PKD1L1: variants seen among roughly 807,000 people sequenced by gnomAD.
PKD1L1 encodes the protein polycystin 1 like 1, transient receptor potential channel interacting.
PKD1L1 carries 236 observed loss-of-function variants against 323.4 expected under a neutral mutation model. That is an observed-to-expected ratio of 0.73 (90% confidence interval 0.66 to 0.81). The LOEUF (loss-of-function observed/expected upper bound fraction) is 0.81, where lower values mean the gene tolerates loss of function less well. PKD1L1 is among the 40% of genes least tolerant of loss of function. PKD1L1 has a pLI of 0.00. For synonymous variants in PKD1L1, 1,344 were observed against 1,335.0 expected, an observed-to-expected ratio of 1.01 and a Z score of -0.15; for missense variants, 3,320 against 3,508.0, an observed-to-expected ratio of 0.95 and a Z score of 1.35.
chr7:47,839,316 T>G lies in PKD1L1; in HGVS notation c.5769+130A>C. ...ATTTAATATTTTGATATCGTGGTAA[T>G]TAACTAAGAAAAGAGGAATACACTT... On this transcript the variant is annotated intron_variant, in intron 36 of 56. Transcript: ENST00000289672. The surrounding 1 kb of genome is among the most constrained non-coding windows in gnomAD (Gnocchi z 4.3). 1.5e-6 allele frequency: 1 copy of G among 677,912 alleles called. No individual in the cohort carries two copies. Among genetic ancestry groups the G allele is most frequent in the Non-Finnish European group, 2.4e-6 (1 of 410,320 alleles). The allele number at this position is 677,912 out of a possible 1,614,324, so 42.0% of individuals were successfully genotyped here. A position where few individuals can be genotyped will look rare whatever the true frequency, so the allele number is the denominator to read the frequency against.
chr7:47,923,675 AAAAT>A (rs1228390141), intron 7 of PKD1L1, among the ~76,000 whole-genome samples: 6 of 151,646 alleles, frequency 4.0e-5, no homozygotes, highest in South Asian at 4.1e-4. Flanking sequence ...ATAAATAATA[AAAAT>A]AAATAAATAA....
chr7:47,833,240 C>T lies in PKD1L1; in HGVS notation c.6187G>A (p.Ala2063Thr). 4 of 1,612,804 alleles carry T rather than the reference C, an allele frequency of 2.5e-6. No homozygotes were observed. The highest frequency in any genetic ancestry group is 3.4e-6 in the Non-Finnish European group (4 of 1,179,366). The part of the protein sequence containing the change: ...AQEPRKQPAS[A>T]ILSGSGRAQR... The stretch of plus-strand genomic sequence containing the variant: ...GCCCTGCCACTCCCAGAGAGAATGG[C>T]TGATGCAGGTTGCTAGAATGACAAG... The change falls in exon 41 of 57, where the codon GCC becomes ACC. Residue 2063 changes from alanine (A) to threonine (T), a missense_variant. Coordinates refer to ENST00000289672, the MANE Select transcript of PKD1L1 (RefSeq NM_138295.5).
chr7:47,882,079 T>C lies in PKD1L1; in HGVS notation c.3272A>G (p.Asp1091Gly), dbSNP rs1344371672. The change falls in exon 20 of 57, where the codon GAC becomes GGC. Residue 1091 changes from aspartate to glycine, a missense_variant. By Grantham distance (94) the Asp-to-Gly change is moderately conservative (BLOSUM62 -1). Transcript: ENST00000289672. Reference sequence around the variant, plus strand: ...AGGTCCTGATCCTGGAAAGCTGGTGTCCTTAGCTAGGAAGATAAACCAAGC... The same window carrying C: ...AGGTCCTGATCCTGGAAAGCTGGTGCCCTTAGCTAGGAAGATAAACCAAGC... ...IPSGGRQPAKDTSFPGSGPSL... is the reference protein window; with the variant it reads ...IPSGGRQPAKGTSFPGSGPSL... 1 of 1,613,236 alleles carries C rather than the reference T, an allele frequency of 6.2e-7. No individual in the cohort carries two copies. The highest frequency in any genetic ancestry group is 1.1e-5 in the South Asian group (1 of 90,960).
chr7:47,936,756 A>G (rs1787874515), intron 4 of PKD1L1, 90 bp downstream of exon 4: 1 of 1,015,032 alleles, frequency 9.9e-7, no homozygotes, highest in Non-Finnish European at 1.5e-6. Flanking sequence ...AGGAACAAGC[A>G]TCGACTTTCA....
At chr7:47,955,392 C>A in the PKD1L1 span, among the ~76,000 whole-genome samples, 7 of 152,098 alleles carry the variant, frequency 4.6e-5, no homozygotes, top group East Asian at 1.4e-3. Flanking sequence ...TACTTTATTA[C>A]AAAGATAGTA....
At chr7:47,821,277 T>TATC (rs1785135733) in intron 45 of PKD1L1, 91 bp from the exon 46 acceptor site, 1 of 706,372 alleles carries the variant, frequency 1.4e-6, no homozygotes, top group Non-Finnish European at 2.3e-6. Context: ...TTATTATTAT[T>TATC]ATTATTTTTG....
intron 17 of PKD1L1, 131 bp downstream of exon 17, chr7:47,887,859 C>CGACGGACCGTTCACCA: frequency 1.1e-6 from 1 of 891,040 alleles, no homozygotes; most frequent in Non-Finnish European, 1.7e-6. Flanking sequence ...TGGGGAAGCA[C>CGACGGACCGTTCACCA]GACGGACCGT....
In PKD1L1 at chr7:47,943,160, AAAAATATATAT is replaced by A. The variant is rs1255866303; in HGVS notation, c.160+225_160+235del. ...GACTCCGTCTCAAAAAAAAAAAAAA[AAAAATATATAT>A]ATATATATATATATATATATATATA... On this transcript the variant is annotated intron_variant, in intron 2 of 56. Coordinates refer to ENST00000289672, the MANE Select transcript of PKD1L1 (RefSeq NM_138295.5). 5.1e-3 allele frequency among the ~76,000 whole-genome samples: 275 copies of A among 53,996 alleles called. 1 individual carries two copies. The highest frequency in any genetic ancestry group is 0.019 in the East Asian group (29 of 1,488). The allele number at this position is 53,996 out of a possible 152,430, so 35.4% of individuals were successfully genotyped here.
chr7:47,951,716 T>C (rs898066813), upstream of PKD1L1, among the ~76,000 whole-genome samples: 1 of 152,218 alleles, frequency 6.6e-6, no homozygotes, highest in East Asian at 1.9e-4. Context: ...CATTTAATGA[T>C]ACTAAGTTTC....
intron 54 of PKD1L1, among the ~76,000 whole-genome samples, chr7:47,799,027 A>T (rs34028700): frequency 1.3e-5 from 2 of 152,166 alleles, no homozygotes; most frequent in Non-Finnish European, 2.9e-5. Flanking sequence ...AAAAATTGCC[A>T]CAATTATTTG....
chr7:47,886,202 A>T (rs1209792333), intron 17 of PKD1L1, 148 bp from the exon 18 acceptor site: 12 of 1,121,924 alleles, frequency 1.1e-5, no homozygotes, highest in African/African-American at 1.6e-5. Flanking sequence ...CAGGGCAGAG[A>T]GTGTGGTGTT....
intron 52 of PKD1L1, among the ~76,000 whole-genome samples, 181 bp from the exon 53 acceptor site, chr7:47,803,525 G>T (rs962487903): frequency 2.0e-5 from 3 of 152,228 alleles, no homozygotes; most frequent in Non-Finnish European, 4.4e-5. Context: ...GGAACTAGGG[G>T]TAAATACAAA....
rs370329516 is a variant in PKD1L1 at position 47,839,450 on chromosome 7, C to T, written c.5765G>A (p.Arg1922Gln). ...GGCCACCTGGAGGGAGCCTACCTTC[C>T]GGAAGCCGAGTCCCCCTTGCAGACA... ...LTCLQGGLGF[R>Q]KLFYCKFTEY... The change falls in exon 36 of 57, where the codon CGG (arginine) becomes CAG (glutamine). Residue 1922 changes from arginine to glutamine, a missense_variant. Physicochemically the swap from Arg to Gln is conservative, Grantham distance 43 (BLOSUM62 1). Transcript: ENST00000289672. The surrounding 1 kb of genome is among the most constrained non-coding windows in gnomAD (Gnocchi z 4.3). 12 of 1,606,158 alleles carry T rather than the reference C, an allele frequency of 7.5e-6. No individual in the cohort carries two copies. The highest frequency in any genetic ancestry group is 4.5e-5 in the South Asian group (4 of 89,606).
chr7:47,800,824 G>C lies in PKD1L1; in HGVS notation c.8018C>G (p.Ser2673Cys), dbSNP rs552515838. Residue 2673 changes from serine to cysteine, a missense_variant, in exon 54 of 57, where the codon TCT becomes TGT. Coordinates refer to ENST00000289672, the MANE Select transcript of PKD1L1 (RefSeq NM_138295.5). ...GGTGCCAGGTGGTAGAACCCACATA[G>C]AGAGCAGAAATCGGTGCAGGTGGGA... ...ALSHLHRFLL[S>C]MWVLPPGTFT... 1.9e-6 allele frequency: 3 copies of C among 1,614,028 alleles called. No homozygotes were observed. The African/African-American group carries it at 4.0e-5, about 22-fold the overall frequency.
At chr7:47,914,723 C>T (rs1192259882) in intron 8 of PKD1L1, among the ~76,000 whole-genome samples, 2 of 152,200 alleles carry the variant, frequency 1.3e-5, no homozygotes, top group East Asian at 1.9e-4. Context: ...TCTCCCCTTC[C>T]TCCCTCTCTT....
intron 33 of PKD1L1, among the ~76,000 whole-genome samples, chr7:47,844,048 T>C (rs781047435): frequency 2.6e-5 from 4 of 152,178 alleles, no homozygotes; most frequent in Non-Finnish European, 4.4e-5. Context: ...TCTGGCCAGA[T>C]AGCCCCTGTA....
chr7:47,811,263 C>A (rs1182810993), intron 50 of PKD1L1, among the ~76,000 whole-genome samples: 3 of 151,794 alleles, frequency 2.0e-5, no homozygotes, highest in Non-Finnish European at 4.4e-5. Context: ...AAGAAATTCT[C>A]CCGCCTTCAG....
At chr7:47,836,276 G>A (rs1194144200) in intron 37 of PKD1L1, among the ~76,000 whole-genome samples, 1 of 152,138 alleles carries the variant, frequency 6.6e-6, no homozygotes, top group Non-Finnish European at 1.5e-5. Flanking sequence ...CCTCGGAAAC[G>A]GACCTTGTCA....
At position 47,809,496 on chromosome 7, in the gene PKD1L1, G is replaced by C. The variant is rs200853469; in HGVS notation, c.7663C>G (p.Arg2555Gly). ...MMDKGVLSYW[R>G]KPRNWLELSV... ...ACCTCCAGCCAGTTCCTTGGCTTTC[G>C]CCAGTAGCTGAGGACGCCCTTGTCC... The change falls in exon 51 of 57, where the codon CGA becomes GGA. Residue 2555 changes from arginine (R) to glycine (G), a missense_variant. Coordinates refer to ENST00000289672, the MANE Select transcript of PKD1L1 (RefSeq NM_138295.5). 20 of 1,605,596 alleles carry C rather than the reference G, an allele frequency of 1.2e-5. No individual in the cohort carries two copies. The East Asian group carries it at 4.3e-4, about 34-fold the overall frequency.
Sources: allele counts gnomAD v4.1 joint callset (sites outside exome capture counted in the v4.1 genomes callset), GRCh38; gene constraint gnomAD v4.1.1; non-coding constraint Gnocchi (gnomAD v3.1); transcripts MANE v1.5; gene names NCBI Gene and HGNC (gene_info 2026-07-23, HGNC 2026-07-21).